The following BICRA variants were observed in gnomAD, a reference collection of about 807,000 sequenced individuals.
The protein encoded by BICRA is BRD4 interacting chromatin remodeling complex associated protein, also known as BRD4-interacting chromatin-remodeling complex-associated protein.
BICRA carries 31 observed loss-of-function variants against 96.9 expected under a neutral mutation model. The ratio of observed to expected loss-of-function variants is 0.32; its 90% CI spans 0.24 to 0.43. The LOEUF (loss-of-function observed/expected upper bound fraction) is 0.43. Among genes scored for constraint, BICRA ranks in the 20% least tolerant of loss-of-function variants. The pLI, the probability that BICRA is intolerant of heterozygous loss-of-function variation, is 1.00. For synonymous variants in BICRA, 1,350 were observed against 1,071.8 expected (o/e 1.26, Z -5.07); for missense variants, 2,283 against 2,190.3 (o/e 1.04, Z -0.84).
intron 1 of BICRA, 39 bp downstream of exon 1, chr19:47,609,207 C>CT (rs1338925491): frequency 6.7e-6 from 1 of 150,294 alleles, no homozygotes; most frequent in African/African-American, 2.4e-5. Context: ...CTTTAAATCT[C>CT]TTAACTCTCT....
At chr19:47,632,825 G>A (rs1415884178) in intron 1 of BICRA, among the ~76,000 whole-genome samples, 1 of 152,110 alleles carries the variant, frequency 6.6e-6, no homozygotes, top group Non-Finnish European at 1.5e-5. Flanking sequence ...TTTGGACAGT[G>A]TTTAAGGCCT....
At position 47,694,731 on chromosome 19, in the gene BICRA, C is replaced by T. The variant is rs199554982; in HGVS notation, c.2895+5C>T. The T allele has an allele frequency of 4.1e-5, 59 of 1,431,250 alleles. No individual in the cohort carries two copies. In the South Asian group the frequency reaches 4.7e-4, roughly 11 times the overall value. The allele number at this position is 1,431,250 out of a possible 1,614,324, so 88.7% of individuals were successfully genotyped here. A position where few individuals can be genotyped will look rare whatever the true frequency, so the allele number is the denominator to read the frequency against. On this transcript the variant is annotated splice_donor_5th_base_variant and intron_variant, in intron 8 of 14. Coordinates refer to ENST00000594866, the MANE Select transcript of BICRA (RefSeq NM_001394372.1). ...CTTCTCGAGAGATTTCACCAGGTAA[C>T]GGGAGGCAGGGACTGCCCGCCCCAT...
chr19:47,632,872 T>G (rs1972241102), intron 1 of BICRA, among the ~76,000 whole-genome samples: 2 of 152,006 alleles, frequency 1.3e-5, no homozygotes, highest in Non-Finnish European at 2.9e-5. Flanking sequence ...CCCAGCTGTC[T>G]CCTTCTCAGG....
At chr19:47,677,083 C>G (rs895407855) in intron 5 of BICRA, among the ~76,000 whole-genome samples, 1 of 152,168 alleles carries the variant, frequency 6.6e-6, no homozygotes, top group Non-Finnish European at 1.5e-5. Context: ...GCAGTTCCCT[C>G]GTCTGTGAAA....
intron 1 of BICRA, among the ~76,000 whole-genome samples, chr19:47,654,151 G>C (rs1214073027): frequency 6.6e-6 from 1 of 152,136 alleles, no homozygotes; most frequent in Non-Finnish European, 1.5e-5. Flanking sequence ...CAGTCCTACC[G>C]ACAGTGAGTG....
At chr19:47,634,375 G>A (rs1279097502) in intron 1 of BICRA, among the ~76,000 whole-genome samples, 1 of 152,194 alleles carries the variant, frequency 6.6e-6, no homozygotes, top group Non-Finnish European at 1.5e-5. Context: ...TGTTGGCTGT[G>A]CCCACTTTGG....
intron 6 of BICRA, 106 bp from the exon 7 acceptor site, chr19:47,681,870 C>T: frequency 2.5e-6 from 2 of 792,774 alleles, no homozygotes; most frequent in East Asian, 2.8e-5. Flanking sequence ...CCCACTACCC[C>T]ATTCTCTGGA....
Position 47,679,981 on chromosome 19 carries a change from G to A in BICRA, c.811G>A (p.Glu271Lys). ...CCTGGCCTCGGCGGCTGGCCCCTCG[G>A]AGCCCGTGACGCTGGCGTCGGCCGG... ...GYLASAAGPS[E>K]PVTLASAGVS... Residue 271 changes from glutamate to lysine, a missense_variant, in exon 6 of 15, where the codon GAG becomes AAG. By Grantham distance (56) the Glu-to-Lys change is moderately conservative (BLOSUM62 1). Transcript: ENST00000594866. 1 of 1,482,494 alleles carries A rather than the reference G, an allele frequency of 6.7e-7. No individual in the cohort carries two copies. Among genetic ancestry groups the A allele is most frequent in the Non-Finnish European group, 8.9e-7 (1 of 1,125,108 alleles). 91.8% of individuals were successfully genotyped at this position (1,482,494 alleles called of 1,614,324 possible). A position where few individuals can be genotyped will look rare whatever the true frequency, so the allele number is the denominator to read the frequency against.
In BICRA at chr19:47,694,501, C is replaced by G; in HGVS notation, c.2670C>G (p.Ser890=). 6.3e-7 allele frequency: 1 copy of G among 1,598,334 alleles called. No individual in the cohort carries two copies. Among genetic ancestry groups the G allele is most frequent in the Non-Finnish European group, 8.5e-7 (1 of 1,170,002 alleles). Residue 890 remains serine, a synonymous_variant, in exon 8 of 15, where the codon TCC becomes TCG. Transcript: ENST00000594866. ...PPSSTSSAVA[S]SSETSSRLPA... is the part of the protein sequence containing the mutation. The stretch of plus-strand genomic sequence containing the variant: ...CCTCCACCTCCTCTGCTGTGGCCTC[C>G]TCCTCTGAGACGTCCTCCAGGTTGC...
At chr19:47,649,281 T>G (rs1972508695) in intron 1 of BICRA, among the ~76,000 whole-genome samples, 1 of 152,218 alleles carries the variant, frequency 6.6e-6, no homozygotes, top group Non-Finnish European at 1.5e-5. Flanking sequence ...CCACTGTGCC[T>G]GGCCTGTATG....
Position 47,682,004 on chromosome 19 carries a change from A to T in BICRA, c.2135A>T (p.Glu712Val). Residue 712 changes from glutamate (E) to valine (V), a missense_variant, in exon 7 of 15, where the codon GAG (glutamate) becomes GTG (valine). Coordinates refer to ENST00000594866, the MANE Select transcript of BICRA (RefSeq NM_001394372.1). ...QERSQQPLSA[E>V]GPHLSVPASV... The stretch of plus-strand genomic sequence containing the variant: ...AGGAGCCAGCAGCCCCTCTCCGCAG[A>T]GGGCCCCCACCTCTCCGTGCCTGCC... The T allele has an allele frequency of 6.4e-7, 1 of 1,571,588 alleles. No homozygotes were observed. The highest frequency in any genetic ancestry group is 2.3e-5 in the East Asian group (1 of 42,598).
At chr19:47,638,585 G>A (rs1430355956) in intron 1 of BICRA, among the ~76,000 whole-genome samples, 1 of 145,130 alleles carries the variant, frequency 6.9e-6, no homozygotes, top group Non-Finnish European at 1.5e-5. Context: ...TCTGTCACTC[G>A]CTCTCTCTGT....
chr19:47,634,944 A>G (rs1254044304), intron 1 of BICRA, among the ~76,000 whole-genome samples: 5 of 151,590 alleles, frequency 3.3e-5, no homozygotes, highest in Non-Finnish European at 7.4e-5. Flanking sequence ...TTGTATTTTT[A>G]GTAGAGATGG....
Position 47,679,985 on chromosome 19 carries a change from C to G in BICRA, c.815C>G (p.Pro272Arg). ...GCCTCGGCGGCTGGCCCCTCGGAGC[C>G]CGTGACGCTGGCGTCGGCCGGTGTC... ...YLASAAGPSE[P>R]VTLASAGVSP... Residue 272 changes from proline (P) to arginine (R), a missense_variant, in exon 6 of 15, where the codon CCC (proline) becomes CGC (arginine). By Grantham distance (103) the Pro-to-Arg change is moderately radical. Transcript: ENST00000594866. 6.7e-7 allele frequency: 1 copy of G among 1,482,108 alleles called. No individual in the cohort carries two copies. Among genetic ancestry groups the G allele is most frequent in the Non-Finnish European group, 8.9e-7 (1 of 1,125,576 alleles). The allele number at this position is 1,482,108 out of a possible 1,614,324, so 91.8% of individuals were successfully genotyped here. A position where few individuals can be genotyped will look rare whatever the true frequency, so the allele number is the denominator to read the frequency against.
In BICRA at chr19:47,636,806, C is replaced by T. The variant is rs557745238; in HGVS notation, c.-108+27638C>T. ...TACAGGCATGAGCCACTGCACCCAG[C>T]CTGTATTACTGTATTTAATATGCAA... On this transcript the variant is annotated intron_variant, in intron 1 of 14. Transcript: ENST00000594866. Among the ~76,000 whole-genome samples the T allele has an allele frequency of 3.9e-5, 6 of 152,294 alleles. No homozygotes were observed. The East Asian group carries it at 9.7e-4, about 25-fold the overall frequency.
chr19:47,615,780 T>A (rs1373186582), intron 1 of BICRA: 15 of 152,358 alleles, frequency 9.8e-5, no homozygotes, highest in Non-Finnish European at 1.8e-4. Flanking sequence ...AATTGCAGTG[T>A]GACCCTGGGC....
chr19:47,630,308 C>A (rs1972203863), intron 1 of BICRA, among the ~76,000 whole-genome samples: 1 of 151,886 alleles, frequency 6.6e-6, no homozygotes, highest in South Asian at 2.1e-4. Flanking sequence ...CTATAGGCGT[C>A]CGCCACCACG....
rs748526556 is a variant in BICRA at position 47,702,118 on chromosome 19, C to T, written c.4386C>T (p.Pro1462=). The change falls in exon 15 of 15, where the codon CCC becomes CCT. Residue 1462 remains proline (P), a synonymous_variant. Coordinates refer to ENST00000594866, the MANE Select transcript of BICRA (RefSeq NM_001394372.1). ...GCGCCGCCCAAGGCACCGGGGACCC[C>T]GACTGGGAGGCGCCCGGGCTGCCCC... is the stretch of plus-strand genomic sequence containing the variant. ...AASAAQGTGD[P]DWEAPGLPPA... The T allele has an allele frequency of 2.0e-6, 3 of 1,528,266 alleles. No individual in the cohort carries two copies. Among genetic ancestry groups the T allele is most frequent in the African/African-American group, 1.4e-5 (1 of 70,844 alleles). 94.7% of individuals were successfully genotyped at this position (1,528,266 alleles called of 1,614,324 possible). A position where few individuals can be genotyped will look rare whatever the true frequency, so the allele number is the denominator to read the frequency against.
At chr19:47,613,236 C>T (rs987339792) in intron 1 of BICRA, among the ~76,000 whole-genome samples, 1 of 152,100 alleles carries the variant, frequency 6.6e-6, no homozygotes, top group African/African-American at 2.4e-5. Flanking sequence ...CCCCAGGTTC[C>T]CGTGGGCCAC....
Sources: allele counts gnomAD v4.1 joint callset (sites outside exome capture counted in the v4.1 genomes callset), GRCh38; gene constraint gnomAD v4.1.1; transcripts MANE v1.5; gene names NCBI Gene and HGNC (gene_info 2026-07-23, HGNC 2026-07-21).